Variants in NUMB observed in about 807,000 individuals in gnomAD.
NUMB encodes protein numb homolog.
Under a neutral mutation model 59.7 loss-of-function variants are expected in NUMB, and 29 were observed. The observed-to-expected ratio is 0.49, with a 90% CI of 0.36 to 0.66. The LOEUF is 0.66. NUMB is among the 30% of genes least tolerant of loss of function. NUMB has a pLI of 0.00. For synonymous variants in NUMB, 288 were observed against 288.2 expected, an observed-to-expected ratio of 1.00 and a Z score of 0.01; for missense variants, 723 against 822.0, an observed-to-expected ratio of 0.88 and a Z score of 1.47.
intron 1 of NUMB, among the ~76,000 whole-genome samples, chr14:73,424,939 CA>C (rs1228879469): frequency 1.3e-5 from 2 of 152,202 alleles, no homozygotes; most frequent in East Asian, 3.8e-4. Flanking sequence ...ATAACCTAAA[CA>C]CAGAGGCTGG....
At chr14:73,320,671 T>C (rs1480180974) in intron 5 of NUMB, among the ~76,000 whole-genome samples, 4 of 152,218 alleles carry the variant, frequency 2.6e-5, no homozygotes, top group African/African-American at 4.8e-5. Context: ...CCACATATTG[T>C]AGATCAGATT....
intron 2 of NUMB, among the ~76,000 whole-genome samples, chr14:73,386,110 G>C (rs1314374920): frequency 6.6e-6 from 1 of 151,778 alleles, no homozygotes; most frequent in East Asian, 1.9e-4. Flanking sequence ...CAGGATCAGG[G>C]GTGCAAGCCT....
intron 4 of NUMB, among the ~76,000 whole-genome samples, chr14:73,323,811 T>C (rs1891526770): frequency 6.6e-6 from 1 of 152,170 alleles, no homozygotes; most frequent in Non-Finnish European, 1.5e-5. Context: ...AATTGAAAGG[T>C]TGAAAGACTA....
At chr14:73,405,519 C>T (rs1896619413) in intron 2 of NUMB, among the ~76,000 whole-genome samples, 1 of 149,300 alleles carries the variant, frequency 6.7e-6, no homozygotes, top group South Asian at 2.1e-4. Context: ...CTCGCCACAA[C>T]CTCAAACTCC....
intron 4 of NUMB, among the ~76,000 whole-genome samples, chr14:73,341,637 C>G (rs755473988): frequency 6.6e-6 from 1 of 152,082 alleles, no homozygotes; most frequent in Non-Finnish European, 1.5e-5. Context: ...ACCCCTATAG[C>G]CTCGAACTTC....
At chr14:73,315,410 ATATATTTAGAAATAT>A (rs1186340408) in intron 6 of NUMB, among the ~76,000 whole-genome samples, 1 of 152,154 alleles carries the variant, frequency 6.6e-6, no homozygotes, top group Non-Finnish European at 1.5e-5. Context: ...TGGACACAAA[ATATATTTAGAAATAT>A]ATTTACTGAT....
At chr14:73,453,307 T>C (rs575012402) in intron 1 of NUMB, among the ~76,000 whole-genome samples, 1 of 151,918 alleles carries the variant, frequency 6.6e-6, no homozygotes, top group East Asian at 1.9e-4. Flanking sequence ...TAATTTTGTA[T>C]TTTTAGTAGA....
At position 73,293,573 on chromosome 14, in the gene NUMB, T is replaced by C. The variant is rs374404902; in HGVS notation, c.310-699A>G. Among the ~76,000 whole-genome samples, 11 of 152,230 alleles carry C rather than the reference T, an allele frequency of 7.2e-5. No individual in the cohort carries two copies. The South Asian group carries it at 2.3e-3, about 32-fold the overall frequency. ...CGCCCGGCTAATTTTTTTGTATTTT[T>C]AGTAGAGACAGGTTTCACTGTGTTA... On this transcript the variant is annotated intron_variant, in intron 7 of 12. Transcript: ENST00000555238.
intron 1 of NUMB, among the ~76,000 whole-genome samples, chr14:73,445,703 G>T (rs1035701599): frequency 3.3e-5 from 5 of 152,070 alleles, no homozygotes; most frequent in African/African-American, 1.2e-4. Context: ...ACTTTACATG[G>T]ATTATCTCAT....
intron 2 of NUMB, among the ~76,000 whole-genome samples, chr14:73,380,851 A>G (rs1399159051): frequency 6.6e-6 from 1 of 151,754 alleles, no homozygotes; most frequent in Admixed American, 6.6e-5. Context: ...CAACCTCCCA[A>G]GTAGCTGGGA....
chr14:73,438,630 CAAAAAA>C (rs35633693), intron 1 of NUMB, among the ~76,000 whole-genome samples: 3 of 66,730 alleles, frequency 4.5e-5, no homozygotes, highest in African/African-American at 6.3e-5. Context: ...GACTCTGCCT[CAAAAAA>C]AAAAAAAAAA....
At chr14:73,395,037 T>TTATGTATGTGTG in intron 2 of NUMB, among the ~76,000 whole-genome samples, 1 of 119,922 alleles carries the variant, frequency 8.3e-6, no homozygotes, top group East Asian at 2.6e-4. Flanking sequence ...ATTCGTGTGT[T>TTATGTATGTGTG]TGTGTGTGTG....
chr14:73,371,004 G>A (rs1185503634), intron 2 of NUMB, among the ~76,000 whole-genome samples: 2 of 143,910 alleles, frequency 1.4e-5, no homozygotes, highest in East Asian at 4.2e-4. Flanking sequence ...TCACTATGTT[G>A]CCCAGGCTGA....
intron 1 of NUMB, among the ~76,000 whole-genome samples, chr14:73,412,632 G>GAAAAAAA (rs1180955520): frequency 1.1e-5 from 1 of 92,484 alleles, no homozygotes; most frequent in African/African-American, 4.1e-5. Context: ...CGTCTCAAAA[G>GAAAAAAA]AAAAAAAAAA....
chr14:73,289,456 C>A (rs1251083076), intron 8 of NUMB, among the ~76,000 whole-genome samples: 2 of 152,140 alleles, frequency 1.3e-5, no homozygotes, highest in Non-Finnish European at 1.5e-5. Context: ...TTGTTGGCAT[C>A]ATTCACAGTG....
intron 1 of NUMB, among the ~76,000 whole-genome samples, chr14:73,433,618 A>G (rs1193537530): frequency 6.6e-6 from 1 of 152,118 alleles, no homozygotes; most frequent in Non-Finnish European, 1.5e-5. Context: ...TCTAAGACTC[A>G]ATTAAAGTAC....
Position 73,326,950 on chromosome 14 carries a change from G to T in NUMB, c.127-3746C>A, listed in dbSNP as rs116647034. Among the ~76,000 whole-genome samples the T allele has an allele frequency of 2.5e-3, 379 of 152,110 alleles. 1 individual carries two copies. The highest frequency in any genetic ancestry group is 9.0e-3 in the African/African-American group (373 of 41,492). Reference sequence around the variant, plus strand: ...CACACAGCTAGTCAGGGAAGAATATGGTTTACATTCATGACTTCAAAGTCC... The same window carrying T: ...CACACAGCTAGTCAGGGAAGAATATTGTTTACATTCATGACTTCAAAGTCC... On this transcript the variant is annotated intron_variant, in intron 4 of 12. Coordinates refer to ENST00000555238, the MANE Select transcript of NUMB (RefSeq NM_001005743.2).
At chr14:73,319,578 AC>A (rs1302041562) in intron 5 of NUMB, among the ~76,000 whole-genome samples, 1 of 152,210 alleles carries the variant, frequency 6.6e-6, no homozygotes. Flanking sequence ...AAAAAAACAA[AC>A]AAAAAGTCTC....
intron 2 of NUMB, among the ~76,000 whole-genome samples, chr14:73,394,577 C>T (rs536171208): frequency 1.3e-5 from 2 of 152,234 alleles, no homozygotes; most frequent in African/African-American, 4.8e-5. Flanking sequence ...CTCTGCTCTC[C>T]TTTTCAAGTA....
Sources: gnomAD v4.1 joint callset for allele counts (sites outside exome capture counted in the v4.1 genomes callset) on GRCh38, gnomAD v4.1.1 for gene constraint, MANE v1.5 for transcripts, NCBI Gene and HGNC (gene_info 2026-07-23, HGNC 2026-07-21) for gene names.